FBLN7: variants seen among roughly 807,000 people sequenced by gnomAD.
The protein encoded by FBLN7 is fibulin 7, also known as fibulin-7.
Under a neutral mutation model 44.0 loss-of-function variants are expected in FBLN7, and 31 were observed. The ratio of observed to expected loss-of-function variants is 0.70; its 90% CI spans 0.53 to 0.95. The LOEUF is 0.95. Among genes scored for constraint, FBLN7 ranks in the 40% least tolerant of loss-of-function variants. The probability of loss-of-function intolerance (pLI) is 0.00; values close to 1 mark genes in which losing one functional copy is unlikely to be tolerated. For synonymous variants in FBLN7, 262 were observed against 253.4 expected (o/e 1.03, Z -0.32); for missense variants, 573 against 618.5 (o/e 0.93, Z 0.78).
intron 4 of FBLN7, among the ~76,000 whole-genome samples, chr2:112,178,904 G>GGCAAAAGCTGAAA (rs70962992): frequency 0.7 from 105,655 of 151,858 alleles, 37,270 homozygotes; most frequent in African/African-American, 0.82. Flanking sequence ...GTACGGAATG[G>GGCAAAAGCTGAAA]GCATTCTCCT....
At chr2:112,210,655 C>CAAAAAAAAAAAAAAAAAAAAAAAAAAAAA in the FBLN7 span, among the ~76,000 whole-genome samples, 1 of 69,730 alleles carries the variant, frequency 1.4e-5, no homozygotes, top group Non-Finnish European at 2.5e-5. Flanking sequence ...GACTCTGTCT[C>CAAAAAAAAAAAAAAAAAAAAAAAAAAAAA]AAAAAAAAAA....
the FBLN7 span, among the ~76,000 whole-genome samples, chr2:112,230,396 T>C: frequency 6.6e-6 from 1 of 152,214 alleles, no homozygotes; most frequent in Admixed American, 6.5e-5. Flanking sequence ...AGTATGTATA[T>C]GGATATTTAC....
intron 1 of FBLN7, among the ~76,000 whole-genome samples, chr2:112,145,941 T>C (rs1680880122): frequency 6.6e-6 from 1 of 152,258 alleles, no homozygotes; most frequent in Admixed American, 6.5e-5. Context: ...CCTCCAACTT[T>C]ATTATTCCTT....
At chr2:112,222,524 C>A in the FBLN7 span, among the ~76,000 whole-genome samples, 1 of 152,084 alleles carries the variant, frequency 6.6e-6, no homozygotes, top group East Asian at 1.9e-4. Context: ...ATGAAATAAG[C>A]CTGTTGAGAA....
In FBLN7 at chr2:112,182,933, G is replaced by A. The variant is rs768657853; in HGVS notation, c.808+5G>A. 2 of 1,611,906 alleles carry A rather than the reference G, an allele frequency of 1.2e-6. No homozygotes were observed. Among genetic ancestry groups the A allele is most frequent in the Non-Finnish European group, 1.7e-6 (2 of 1,179,736 alleles). On this transcript the variant is annotated splice_donor_5th_base_variant and intron_variant, in intron 6 of 7. Coordinates refer to ENST00000331203, the MANE Select transcript of FBLN7 (RefSeq NM_153214.3). ...CTGACGGGAAGAGCTGTGAGGGTGA[G>A]TGAGGCTACAGAGTGTCGTCTGCAC...
At chr2:112,224,360 C>T in the FBLN7 span, among the ~76,000 whole-genome samples, 58 of 152,174 alleles carry the variant, frequency 3.8e-4, no homozygotes, top group African/African-American at 1.4e-3. Context: ...AACAAAGAAA[C>T]AAAAAGTCCA....
chr2:112,190,950 A>G (rs906672435), downstream of FBLN7, among the ~76,000 whole-genome samples: 9 of 152,138 alleles, frequency 5.9e-5, no homozygotes, highest in African/African-American at 2.2e-4. Context: ...AATTTAATTC[A>G]GGACTACTGT....
At chr2:112,156,086 C>T (rs368472347) in intron 1 of FBLN7, among the ~76,000 whole-genome samples, 24 of 152,238 alleles carry the variant, frequency 1.6e-4, no homozygotes, top group South Asian at 8.3e-4. Flanking sequence ...ACGTCTCCTC[C>T]ACCTTCCCTT....
At chr2:112,221,680 G>A in the FBLN7 span, among the ~76,000 whole-genome samples, 1 of 152,060 alleles carries the variant, frequency 6.6e-6, no homozygotes, top group African/African-American at 2.4e-5. Context: ...ACTGCACTGT[G>A]AAATTCTTCT....
At chr2:112,140,016 C>A (rs545149803) in intron 1 of FBLN7, among the ~76,000 whole-genome samples, 1 of 64,786 alleles carries the variant, frequency 1.5e-5, no homozygotes, top group African/African-American at 7.0e-5. Flanking sequence ...TCCAGGTCAG[C>A]GTCCCTCCCG....
At position 112,187,254 on chromosome 2, in the gene FBLN7, C is replaced by T. The variant is rs1196211155; in HGVS notation, c.1068C>T (p.Arg356=). 6.2e-7 allele frequency: 1 copy of T among 1,614,110 alleles called. No individual in the cohort carries two copies. Among genetic ancestry groups the T allele is most frequent in the Non-Finnish European group, 8.5e-7 (1 of 1,180,056 alleles). Residue 356 remains arginine, a synonymous_variant, in exon 8 of 8, where the codon CGC becomes CGT. Coordinates refer to ENST00000331203, the MANE Select transcript of FBLN7 (RefSeq NM_153214.3). The surrounding 1 kb of genome is among the most constrained non-coding windows in gnomAD (Gnocchi z 5.1). Reference sequence around the variant, plus strand: ...TGAAGACGCCCATCACGCTCTTCCGCATGGCCACAGCCTCTGCCCCCGGCC... The same window carrying T: ...TGAAGACGCCCATCACGCTCTTCCGTATGGCCACAGCCTCTGCCCCCGGCC... The part of the protein sequence containing the change: ...SNLKTPITLF[R]MATASAPGRA...
At chr2:112,152,244 C>A (rs1349719070) in intron 1 of FBLN7, 2 of 152,258 alleles carry the variant, frequency 1.3e-5, no homozygotes, top group African/African-American at 4.8e-5. Flanking sequence ...CGGCTTCCGC[C>A]CCTGCCAAGT....
At chr2:112,175,892 G>T in intron 4 of FBLN7, 53 bp downstream of exon 4, 1 of 1,590,448 alleles carries the variant, frequency 6.3e-7, no homozygotes, top group South Asian at 1.1e-5. Context: ...GGGAGAGGAG[G>T]ACCCTAGGCA....
At chr2:112,228,572 C>T in the FBLN7 span, among the ~76,000 whole-genome samples, 3 of 150,536 alleles carry the variant, frequency 2.0e-5, no homozygotes, top group South Asian at 4.2e-4. Context: ...TTAACTCACA[C>T]AATTCCTAAA....
rs375781818 is a variant in FBLN7 at position 112,165,027 on chromosome 2, G to A, written c.262G>A (p.Ala88Thr). The part of the protein sequence containing the change: ...PVSCPALNTP[A>T]DGRKFGSKYL... ...TTCCTGCCCGGCTCTGAACACCCCCGCAGACGGCAGAAAGTTTGGAAGCAA... is the reference window on the plus strand; with the variant it reads ...TTCCTGCCCGGCTCTGAACACCCCCACAGACGGCAGAAAGTTTGGAAGCAA... The change falls in exon 3 of 8, where the codon GCA becomes ACA. Residue 88 changes from alanine (A) to threonine (T), a missense_variant. Coordinates refer to ENST00000331203, the MANE Select transcript of FBLN7 (RefSeq NM_153214.3). 67 of 1,613,922 alleles carry A rather than the reference G, an allele frequency of 4.2e-5. No individual in the cohort carries two copies. The highest frequency in any genetic ancestry group is 5.1e-5 in the Non-Finnish European group (60 of 1,179,992).
At chr2:112,211,097 G>A in the FBLN7 span, among the ~76,000 whole-genome samples, 1 of 152,178 alleles carries the variant, frequency 6.6e-6, no homozygotes, top group South Asian at 2.1e-4. Context: ...TAGATGCATG[G>A]CAGTTTACTT....
chr2:112,197,234 A>AACACACACACACACACACAC, the FBLN7 span, among the ~76,000 whole-genome samples: 1 of 89,366 alleles, frequency 1.1e-5, no homozygotes, highest in African/African-American at 4.5e-5. Flanking sequence ...CGTAAGAGAA[A>AACACACACACACACACACAC]ACACACACAC....
At chr2:112,186,082 C>T (rs1230478006) in intron 7 of FBLN7, among the ~76,000 whole-genome samples, 1 of 152,058 alleles carries the variant, frequency 6.6e-6, no homozygotes, top group Non-Finnish European at 1.5e-5. Flanking sequence ...GGCACTGAAG[C>T]ATGGCAGTTT....
chr2:112,231,752 CCTT>C, the FBLN7 span: 2 of 755,220 alleles, frequency 2.6e-6, no homozygotes, highest in Admixed American at 2.9e-5. Flanking sequence ...GAGGCACTCT[CCTT>C]AATTATCTTC....
Sources: gnomAD v4.1 joint callset for allele counts (sites outside exome capture counted in the v4.1 genomes callset) on GRCh38, gnomAD v4.1.1 for gene constraint, Gnocchi (gnomAD v3.1) non-coding constraint, MANE v1.5 for transcripts, NCBI Gene and HGNC (gene_info 2026-07-23, HGNC 2026-07-21) for gene names.